ELOC: variants seen among roughly 807,000 people sequenced by gnomAD.
ELOC encodes the protein elongin-C.
For missense variants in ELOC, 38 were observed against 139.0 expected, an observed-to-expected ratio of 0.27 and a Z score of 3.65; for synonymous variants, 40 against 51.3, an observed-to-expected ratio of 0.78 and a Z score of 0.94.
intron 2 of ELOC, 95 bp from the exon 3 acceptor site, chr8:73,956,149 C>G: frequency 8.3e-7 from 1 of 1,198,380 alleles, no homozygotes. Flanking sequence ...GCCTGTAATC[C>G]CAGCACTTTG....
In ELOC at chr8:73,956,063, A is replaced by C; in HGVS notation, c.5-9T>G. The C allele has an allele frequency of 6.2e-7, 1 of 1,607,894 alleles. No homozygotes were observed. Among genetic ancestry groups the C allele is most frequent in the Non-Finnish European group, 8.5e-7 (1 of 1,175,706 alleles). Reference sequence around the variant, plus strand: ...GGTTTTCTCCTCTCCATCTAAAGTAAAGTAAGTAGTGAAACAATTTTTGAG... The same window carrying C: ...GGTTTTCTCCTCTCCATCTAAAGTACAGTAAGTAGTGAAACAATTTTTGAG... On this transcript the variant is annotated splice_polypyrimidine_tract_variant and intron_variant, in intron 2 of 3. Transcript: ENST00000520242.
intron 1 of ELOC, among the ~76,000 whole-genome samples, chr8:73,969,113 G>T (rs1370498712): frequency 6.6e-6 from 1 of 152,138 alleles, no homozygotes; most frequent in Non-Finnish European, 1.5e-5. Flanking sequence ...CCGAGTGCCA[G>T]TCGTGAATAT....
chr8:73,959,456 T>G (rs1586608891), intron 2 of ELOC, among the ~76,000 whole-genome samples: 1 of 152,298 alleles, frequency 6.6e-6, no homozygotes, highest in East Asian at 1.9e-4. Flanking sequence ...ATTTTTTTGT[T>G]AAAAACTAAG....
intron 1 of ELOC, among the ~76,000 whole-genome samples, chr8:73,963,168 G>A (rs1403323842): frequency 6.6e-6 from 1 of 151,904 alleles, no homozygotes; most frequent in Non-Finnish European, 1.5e-5. Flanking sequence ...TTTTGTGTAT[G>A]TTTGTGTTTA....
intron 3 of ELOC, among the ~76,000 whole-genome samples, chr8:73,947,145 C>T (rs1043034315): frequency 1.1e-4 from 17 of 152,002 alleles, no homozygotes; most frequent in African/African-American, 3.9e-4. Flanking sequence ...TGCAGCACCA[C>T]GACCGGCTAA....
chr8:73,968,839 G>A (rs1355430924), intron 1 of ELOC, among the ~76,000 whole-genome samples: 1 of 152,128 alleles, frequency 6.6e-6, no homozygotes, highest in East Asian at 1.9e-4. Flanking sequence ...ACTTCACTTG[G>A]TCACATGGTC....
At chr8:73,964,778 C>T (rs1814854578) in intron 1 of ELOC, among the ~76,000 whole-genome samples, 1 of 152,176 alleles carries the variant, frequency 6.6e-6, no homozygotes, top group African/African-American at 2.4e-5. Context: ...AATCTCAGCA[C>T]TTTGGGAGGC....
chr8:73,964,924 G>C (rs1814866040), intron 1 of ELOC, among the ~76,000 whole-genome samples: 1 of 151,594 alleles, frequency 6.6e-6, no homozygotes, highest in Non-Finnish European at 1.5e-5. Flanking sequence ...GTATTTGGGA[G>C]GCTGAGATGG....
intron 1 of ELOC, among the ~76,000 whole-genome samples, chr8:73,971,123 A>G (rs983615467): frequency 1.5e-4 from 22 of 150,294 alleles, no homozygotes; most frequent in African/African-American, 5.4e-4. Context: ...AAGAATTTCA[A>G]GGCCAGGCGC....
In ELOC at chr8:73,958,062, C is replaced by T. The variant is rs1256100285; in HGVS notation, c.4+1703G>A. Among the ~76,000 whole-genome samples the T allele has an allele frequency of 5.9e-5, 9 of 151,610 alleles. No individual in the cohort carries two copies. The South Asian group carries it at 1.0e-3, about 18-fold the overall frequency. On this transcript the variant is annotated intron_variant, in intron 2 of 3. Coordinates refer to ENST00000520242, the MANE Select transcript of ELOC (RefSeq NM_005648.4). ...AAGTGCTGGGATTACAGGCATGAGC[C>T]GCTGCACCCGGACTACTTATTTATT...
At chr8:73,946,941 A>C in intron 3 of ELOC, 121 bp from the exon 4 acceptor site, 1 of 780,404 alleles carries the variant, frequency 1.3e-6, no homozygotes. Flanking sequence ...TTCTTTAAAG[A>C]GGTAATTAAA....
In ELOC at chr8:73,957,439, A is replaced by G. The variant is rs968902864; in HGVS notation, c.5-1385T>C. 3.3e-5 allele frequency among the ~76,000 whole-genome samples: 5 copies of G among 152,294 alleles called. No homozygotes were observed. The East Asian group carries it at 5.8e-4, about 18-fold the overall frequency. On this transcript the variant is annotated intron_variant, in intron 2 of 3. Coordinates refer to ENST00000520242, the MANE Select transcript of ELOC (RefSeq NM_005648.4). ...GTACTGTAACAGAATTTTAATTTTT[A>G]TAATTATTAACATGTGAAATAAAAT... is the stretch of plus-strand genomic sequence containing the variant.
Position 73,963,205 on chromosome 8 carries a change from G to A in ELOC, c.-50-3387C>T, listed in dbSNP as rs894331139. Among the ~76,000 whole-genome samples, 4 of 151,950 alleles carry A rather than the reference G, an allele frequency of 2.6e-5. 1 individual carries two copies. In the South Asian group the frequency reaches 6.2e-4, roughly 24 times the overall value. ...TAACAAATACTTAAAAAATCTAGGT[G>A]AGCCTAGGGCCTACACTGAAATTAA... On this transcript the variant is annotated intron_variant, in intron 1 of 3. Transcript: ENST00000520242.
rs142949283 is a variant in ELOC at position 73,955,881 on chromosome 8, A to G, written c.148+30T>C. On this transcript the variant is annotated intron_variant, in intron 3 of 3. Transcript: ENST00000520242. ...CATCCATCAAACATTAAAAGTGAAT[A>G]TATGAAGAAAAAGACAGAACTGTGC... is the stretch of plus-strand genomic sequence containing the variant. 1.1e-3 allele frequency: 1,673 copies of G among 1,572,424 alleles called. 17 individuals carry two copies. The African/African-American group carries it at 0.02, about 19-fold the overall frequency.
At chr8:73,954,052 C>T (rs1035249241) in intron 3 of ELOC, among the ~76,000 whole-genome samples, 18 of 152,196 alleles carry the variant, frequency 1.2e-4, no homozygotes, top group African/African-American at 4.3e-4. Flanking sequence ...ATAAATGAAC[C>T]TTGAAAACAT....
chr8:73,951,912 T>A (rs1813797198), intron 3 of ELOC, among the ~76,000 whole-genome samples: 2 of 152,090 alleles, frequency 1.3e-5, no homozygotes, highest in Admixed American at 1.3e-4. Context: ...TCAACAAGGG[T>A]GCTATGGGGA....
intron 3 of ELOC, 37 bp downstream of exon 3, chr8:73,955,874 A>G: frequency 3.2e-6 from 5 of 1,566,884 alleles, no homozygotes; most frequent in Admixed American, 1.9e-5. Flanking sequence ...AAACATTAAA[A>G]GTGAATATAT....
intron 1 of ELOC, chr8:73,964,741 T>C (rs929517329): frequency 3.9e-5 from 6 of 152,036 alleles, no homozygotes; most frequent in South Asian, 2.1e-4. Flanking sequence ...TCAAATACCA[T>C]AGCTGGGCAC....
intron 2 of ELOC, among the ~76,000 whole-genome samples, chr8:73,957,164 C>T (rs112727760): frequency 6.4e-5 from 9 of 140,034 alleles, no homozygotes; most frequent in African/African-American, 2.1e-4. Flanking sequence ...CAGAGAAAGA[C>T]CCTGTCTCAA....
Sources: gnomAD v4.1 joint callset for allele counts (sites outside exome capture counted in the v4.1 genomes callset) on GRCh38, gnomAD v4.1.1 for gene constraint, MANE v1.5 for transcripts, NCBI Gene and HGNC (gene_info 2026-07-23, HGNC 2026-07-21) for gene names.